Variants in FRMD3 observed in about 807,000 individuals in gnomAD.
The protein encoded by FRMD3 is FERM domain containing 3.
Under a neutral mutation model 70.2 loss-of-function variants are expected in FRMD3, and 33 were observed. The ratio of observed to expected loss-of-function variants is 0.47; its 90% CI spans 0.36 to 0.63. The LOEUF (loss-of-function observed/expected upper bound fraction) is 0.63, where lower values mean the gene tolerates loss of function less well. Ranked by LOEUF, FRMD3 falls within the 20% of genes least tolerant of loss-of-function variation. FRMD3 has a pLI of 0.00. For missense variants in FRMD3, 632 were observed against 711.4 expected (o/e 0.89, Z 1.27); for synonymous variants, 279 against 255.9 (o/e 1.09, Z -0.86).
intron 12 of FRMD3, among the ~76,000 whole-genome samples, chr9:83,293,044 C>T (rs562175215): frequency 6.6e-6 from 1 of 152,256 alleles, no homozygotes; most frequent in East Asian, 1.9e-4. Flanking sequence ...GGAGGGGCAC[C>T]TAATCCGGTG....
intron 1 of FRMD3, among the ~76,000 whole-genome samples, chr9:83,497,119 G>C (rs143369541): frequency 6.6e-6 from 1 of 152,162 alleles, no homozygotes; most frequent in Non-Finnish European, 1.5e-5. Context: ...TGTCTCAAAA[G>C]TAAATAAATA....
chr9:83,340,881 C>T (rs971680563), intron 5 of FRMD3, among the ~76,000 whole-genome samples: 3 of 152,152 alleles, frequency 2.0e-5, no homozygotes, highest in African/African-American at 7.2e-5. Context: ...CAGGTGTGCA[C>T]CACCACATCC....
At chr9:83,572,032 A>G in the FRMD3 span, among the ~76,000 whole-genome samples, 1 of 152,210 alleles carries the variant, frequency 6.6e-6, no homozygotes, top group Non-Finnish European at 1.5e-5. Context: ...AAGCTCCCAG[A>G]TGATGCTAAT....
intron 1 of FRMD3, among the ~76,000 whole-genome samples, chr9:83,495,740 A>T (rs1828929735): frequency 6.6e-6 from 1 of 152,358 alleles, no homozygotes; most frequent in South Asian, 2.1e-4. Flanking sequence ...AGTACTCATG[A>T]AAAAGGACCA....
chr9:83,491,035 A>T (rs1164739862), intron 1 of FRMD3, among the ~76,000 whole-genome samples: 2 of 152,136 alleles, frequency 1.3e-5, no homozygotes, highest in African/African-American at 4.8e-5. Flanking sequence ...AATCACAATA[A>T]ATATTAGCCT....
intron 1 of FRMD3, among the ~76,000 whole-genome samples, chr9:83,463,268 T>A (rs1004340921): frequency 1.3e-5 from 2 of 152,184 alleles, no homozygotes; most frequent in African/African-American, 4.8e-5. Flanking sequence ...AAAATAATAA[T>A]GATAATAATG....
At chr9:83,568,955 G>GATACATACATAC in the FRMD3 span, among the ~76,000 whole-genome samples, 6,417 of 130,662 alleles carry the variant, frequency 0.049, 259 homozygotes, top group African/African-American at 0.1. Flanking sequence ...TAGATAGATA[G>GATACATACATAC]ATACATACAT....
the FRMD3 span, among the ~76,000 whole-genome samples, chr9:83,574,725 G>C: frequency 6.6e-6 from 1 of 152,098 alleles, no homozygotes; most frequent in Non-Finnish European, 1.5e-5. Flanking sequence ...TGTACCTAAG[G>C]CTCTATTTTG....
At chr9:83,361,056 A>G (rs1487913077) in intron 3 of FRMD3, among the ~76,000 whole-genome samples, 4 of 152,220 alleles carry the variant, frequency 2.6e-5, no homozygotes, top group Non-Finnish European at 4.4e-5. Context: ...CAGGTGTCCA[A>G]CGCTGGAGAC....
the FRMD3 span, among the ~76,000 whole-genome samples, chr9:83,579,657 T>C: frequency 2.9e-3 from 436 of 152,096 alleles, 1 homozygote; most frequent in African/African-American, 9.7e-3. Context: ...GACTTAAACA[T>C]AAAACCTGGA....
the FRMD3 span, among the ~76,000 whole-genome samples, chr9:83,573,261 A>C: frequency 6.6e-6 from 1 of 152,202 alleles, no homozygotes; most frequent in African/African-American, 2.4e-5. Flanking sequence ...GGAAGATGGG[A>C]AGAAGATGGT....
intron 13 of FRMD3, among the ~76,000 whole-genome samples, chr9:83,268,361 G>A (rs1833372569): frequency 1.3e-5 from 2 of 152,078 alleles, no homozygotes; most frequent in African/African-American, 4.8e-5. Flanking sequence ...TTATAGCTGT[G>A]GTATTCTTTG....
chr9:83,515,306 G>A (rs986939821), intron 1 of FRMD3, among the ~76,000 whole-genome samples: 2 of 152,126 alleles, frequency 1.3e-5, no homozygotes, highest in East Asian at 1.9e-4. Context: ...AACACAGCAC[G>A]AAAGCTTCGT....
At chr9:83,512,552 AC>A in intron 1 of FRMD3, among the ~76,000 whole-genome samples, 2 of 152,218 alleles carry the variant, frequency 1.3e-5, no homozygotes, top group Non-Finnish European at 2.9e-5. Context: ...ACCTTTCTAA[AC>A]CCATCTGCGG....
At chr9:83,567,381 T>C in the FRMD3 span, among the ~76,000 whole-genome samples, 7 of 152,290 alleles carry the variant, frequency 4.6e-5, no homozygotes, top group African/African-American at 1.7e-4. Flanking sequence ...GGGACTGCCG[T>C]GAAGTTCTCT....
At chr9:83,376,053 G>A (rs1035981068) in intron 2 of FRMD3, among the ~76,000 whole-genome samples, 13 of 151,752 alleles carry the variant, frequency 8.6e-5, no homozygotes, top group South Asian at 2.1e-4. Flanking sequence ...CCAGCTTCTC[G>A]GGAGGCTGAG....
chr9:83,384,776 G>A (rs918811068), intron 2 of FRMD3, among the ~76,000 whole-genome samples: 9 of 152,278 alleles, frequency 5.9e-5, no homozygotes, highest in Non-Finnish European at 7.4e-5. Flanking sequence ...AGTAAATCCC[G>A]TGTATTTGGG....
intron 3 of FRMD3, among the ~76,000 whole-genome samples, chr9:83,353,408 C>A (rs1444063723): frequency 1.3e-5 from 2 of 152,114 alleles, no homozygotes; most frequent in African/African-American, 2.4e-5. Context: ...CTGGAACAAG[C>A]TGAAAAGATA....
rs778028814 is a variant in FRMD3, at chr9:83,247,993, A to G, written c.1719T>C (p.Tyr573=). The change falls in exon 14 of 14, where the codon TAT becomes TAC. Residue 573 remains tyrosine, a synonymous_variant. Coordinates refer to ENST00000304195, the MANE Select transcript of FRMD3 (RefSeq NM_174938.6). ...ACTCCTTGAGGGGACAGTAGTATTC[A>G]TAGTGAAACTGCTCAAACTCTGGTG... ...RQTPEFEQFH[Y]EYYCPLKEWV... The G allele has an allele frequency of 6.2e-7, 1 of 1,614,204 alleles. No homozygotes were observed. Among genetic ancestry groups the G allele is most frequent in the Non-Finnish European group, 8.5e-7 (1 of 1,180,028 alleles).
Sources: gnomAD v4.1 joint callset for allele counts (sites outside exome capture counted in the v4.1 genomes callset) on GRCh38, gnomAD v4.1.1 for gene constraint, MANE v1.5 for transcripts, NCBI Gene and HGNC (gene_info 2026-07-23, HGNC 2026-07-21) for gene names.